LIX1L: variants seen among roughly 807,000 people sequenced by gnomAD.
LIX1L encodes the protein limb and CNS expressed 1 like, also known as LIX1-like protein.
Under a neutral mutation model 34.0 loss-of-function variants are expected in LIX1L, and 20 were observed. The observed-to-expected ratio is 0.59, with a 90% CI of 0.41 to 0.85. LIX1L has a LOEUF of 0.85. Ranked by LOEUF, LIX1L falls within the 40% of genes least tolerant of loss-of-function variation. The pLI is 0.00. For synonymous variants in LIX1L, 170 were observed against 187.4 expected, an observed-to-expected ratio of 0.91 and a Z score of 0.76; for missense variants, 397 against 447.0, an observed-to-expected ratio of 0.89 and a Z score of 1.01.
At chr1:145,939,073 G>A (rs1038839472) in intron 3 of LIX1L, among the ~76,000 whole-genome samples, 8 of 151,436 alleles carry the variant, frequency 5.3e-5, no homozygotes, top group Admixed American at 4.6e-4. Context: ...ATCTCCCCAG[G>A]ATCAAGTGAT....
At chr1:145,954,141 C>T (rs1299521657) in intron 1 of LIX1L, among the ~76,000 whole-genome samples, 6 of 151,902 alleles carry the variant, frequency 3.9e-5, no homozygotes, top group Non-Finnish European at 5.9e-5. Flanking sequence ...CAATAAACCA[C>T]GTAATAAACC....
chr1:145,954,281 A>G (rs1406299075), intron 1 of LIX1L, among the ~76,000 whole-genome samples: 4 of 152,170 alleles, frequency 2.6e-5, no homozygotes, highest in Admixed American at 2.0e-4. Flanking sequence ...TCTGGCCTCC[A>G]GAACTATGAG....
chr1:145,947,528 A>G (rs1649155945), intron 2 of LIX1L, 91 bp downstream of exon 2: 2 of 1,372,802 alleles, frequency 1.5e-6, no homozygotes, highest in South Asian at 1.3e-5. Context: ...CAAATATATG[A>G]TTTCAGGCAG....
intron 1 of LIX1L, chr1:145,950,210 C>T (rs1315208523): frequency 6.6e-6 from 1 of 152,224 alleles, no homozygotes; most frequent in South Asian, 2.1e-4. Flanking sequence ...CAAGAAGACA[C>T]CAAGATGGGA....
At chr1:145,949,929 A>G (rs1553759651) in intron 1 of LIX1L, among the ~76,000 whole-genome samples, 1 of 151,354 alleles carries the variant, frequency 6.6e-6, no homozygotes, top group Non-Finnish European at 1.5e-5. Context: ...CGATCCTCCA[A>G]CCTTAGCCTC....
chr1:145,939,176 C>T (rs782572287), intron 3 of LIX1L, among the ~76,000 whole-genome samples: 1 of 151,498 alleles, frequency 6.6e-6, no homozygotes, highest in Non-Finnish European at 1.5e-5. Flanking sequence ...GAGATGAAGT[C>T]TCTTTATGTT....
intron 2 of LIX1L, among the ~76,000 whole-genome samples, chr1:145,946,631 A>G (rs868981049): frequency 6.6e-6 from 1 of 152,210 alleles, no homozygotes; most frequent in Non-Finnish European, 1.5e-5. Flanking sequence ...TTATTTGCCT[A>G]CTATCTGCTA....
Position 145,933,624 on chromosome 1 carries a change from C to T in LIX1L, c.*2686G>A, listed in dbSNP as rs895136628. ...GGTACGAGGGCAATTCTTCCCACAACTCACACCCCTTAATCCACACGTCCC... is the reference window on the plus strand; with the variant it reads ...GGTACGAGGGCAATTCTTCCCACAATTCACACCCCTTAATCCACACGTCCC... On this transcript the variant is annotated 3_prime_UTR_variant, in exon 6 of 6. Transcript: ENST00000604000. The T allele has an allele frequency of 2.6e-5, 4 of 152,120 alleles. No homozygotes were observed. The highest frequency in any genetic ancestry group is 2.0e-4 in the Admixed American group (3 of 15,242). 9.4% of individuals were successfully genotyped at this position (152,120 alleles called of 1,614,324 possible).
intron 1 of LIX1L, among the ~76,000 whole-genome samples, chr1:145,949,591 G>A (rs919137148): frequency 1.3e-5 from 2 of 151,942 alleles, no homozygotes; most frequent in Non-Finnish European, 2.9e-5. Context: ...TTATCCTAGA[G>A]CAATAGGAAG....
chr1:145,942,697 G>A lies in LIX1L; in HGVS notation c.597+16C>T, dbSNP rs1250968170. Reference sequence around the variant, plus strand: ...CCATCTCCCACTCTCCTTCCTTCCAGCTCCATACAACTTACATTAAAAGAT... The same window carrying A: ...CCATCTCCCACTCTCCTTCCTTCCAACTCCATACAACTTACATTAAAAGAT... On this transcript the variant is annotated intron_variant, in intron 3 of 5. Coordinates refer to ENST00000604000, the MANE Select transcript of LIX1L (RefSeq NM_153713.3). 6.2e-7 allele frequency: 1 copy of A among 1,612,978 alleles called. No individual in the cohort carries two copies. Among genetic ancestry groups the A allele is most frequent in the Non-Finnish European group, 8.5e-7 (1 of 1,179,340 alleles).
rs1648638860 is a variant in LIX1L at position 145,936,287 on chromosome 1, TG to T, written c.*22del. On this transcript the variant is annotated 3_prime_UTR_variant, in exon 6 of 6. Coordinates refer to ENST00000604000, the MANE Select transcript of LIX1L (RefSeq NM_153713.3). The stretch of plus-strand genomic sequence containing the variant: ...ACATAAAAAAAGGCTGTGGAAAGCC[TG>T]GGGAGTTATGTGGGTGGATGCCTAG... 6.2e-7 allele frequency: 1 copy of T among 1,611,668 alleles called. No homozygotes were observed. The highest frequency in any genetic ancestry group is 1.1e-5 in the South Asian group (1 of 90,994).
rs1451663269 is a variant in LIX1L at position 145,947,613 on chromosome 1, TC to T, written c.456+5del. ...ACCTTTGCTACTGCCACCTCACAAC[TC>T]TTACCTGGAAACTCCCAAAGCAGCT... On this transcript the variant is annotated splice_donor_5th_base_variant and intron_variant, in intron 2 of 5. Coordinates refer to ENST00000604000, the MANE Select transcript of LIX1L (RefSeq NM_153713.3). 6.2e-7 allele frequency: 1 copy of T among 1,613,466 alleles called. No individual in the cohort carries two copies. Among genetic ancestry groups the T allele is most frequent in the African/African-American group, 1.3e-5 (1 of 74,854 alleles).
chr1:145,948,696 A>G lies in LIX1L; in HGVS notation c.293-914T>C, dbSNP rs111645324. 1.1e-4 allele frequency: 16 copies of G among 152,350 alleles called. No individual in the cohort carries two copies. The highest frequency in any genetic ancestry group is 2.2e-4 in the African/African-American group (9 of 41,574). 9.4% of individuals were successfully genotyped at this position (152,350 alleles called of 1,614,324 possible). On this transcript the variant is annotated intron_variant, in intron 1 of 5. Coordinates refer to ENST00000604000, the MANE Select transcript of LIX1L (RefSeq NM_153713.3). The surrounding 1 kb of genome is among the most constrained non-coding windows in gnomAD (Gnocchi z 4.0). ...GGACTTTAAAAAGAAGCACTCCTCC[A>G]TGGGTCGGTCTCTCATGCTCCTTCA...
chr1:145,938,498 T>G (rs191123193), intron 3 of LIX1L, among the ~76,000 whole-genome samples: 1 of 152,346 alleles, frequency 6.6e-6, no homozygotes, highest in Middle Eastern at 3.4e-3. Flanking sequence ...CAGTTTCCTC[T>G]TCTGTAAGAT....
At chr1:145,954,387 A>G (rs782328191) in intron 1 of LIX1L, among the ~76,000 whole-genome samples, 9 of 152,244 alleles carry the variant, frequency 5.9e-5, no homozygotes, top group Non-Finnish European at 1.2e-4. Context: ...GCATTTCCAA[A>G]AATTGGAAAT....
chr1:145,957,844 C>G lies in LIX1L; in HGVS notation c.84G>C (p.Val28=). 1 of 1,424,758 alleles carries G rather than the reference C, an allele frequency of 7.0e-7. No individual in the cohort carries two copies. The allele number at this position is 1,424,758 out of a possible 1,614,324, so 88.3% of individuals were successfully genotyped here. Residue 28 remains valine, a synonymous_variant, in exon 1 of 6, where the codon GTG becomes GTC. Transcript: ENST00000604000. ...RGTLRALRPG[V]TGAAAATATP... is the part of the protein sequence containing the mutation. ...TGGCGGTGGCGGCCGCGGCCCCAGT[C>G]ACTCCGGGCCGCAGCGCTCGGAGAG...
chr1:145,949,712 C>T (rs1649223885), intron 1 of LIX1L, among the ~76,000 whole-genome samples: 1 of 151,884 alleles, frequency 6.6e-6, no homozygotes, highest in Non-Finnish European at 1.5e-5. Context: ...GAAAGGATCA[C>T]ATTGGCTCTA....
chr1:145,953,165 G>A (rs779576065), intron 1 of LIX1L, among the ~76,000 whole-genome samples: 13 of 152,006 alleles, frequency 8.6e-5, no homozygotes, highest in Admixed American at 3.9e-4. Flanking sequence ...ATCCTCCTGC[G>A]CTGGCCTCCA....
chr1:145,943,210 T>C (rs782349187), intron 2 of LIX1L, among the ~76,000 whole-genome samples: 5 of 152,230 alleles, frequency 3.3e-5, no homozygotes, highest in Non-Finnish European at 7.3e-5. Context: ...GCCGGCTTAA[T>C]AGAAATCTGT....
Sources: allele counts gnomAD v4.1 joint callset (sites outside exome capture counted in the v4.1 genomes callset), GRCh38; gene constraint gnomAD v4.1.1; non-coding constraint Gnocchi (gnomAD v3.1); transcripts MANE v1.5; gene names NCBI Gene and HGNC (gene_info 2026-07-23, HGNC 2026-07-21).